The following ZBTB17 variants were observed in gnomAD, a reference collection of about 807,000 sequenced individuals.
ZBTB17 encodes zinc finger and BTB domain-containing protein 17.
ZBTB17 carries 24 observed loss-of-function variants against 85.1 expected under a neutral mutation model. That is an observed-to-expected ratio of 0.28 (90% CI 0.20 to 0.40). ZBTB17 has a LOEUF of 0.40. Ranked by LOEUF, ZBTB17 falls within the 10% of genes least tolerant of loss-of-function variation. The pLI, the probability that ZBTB17 is intolerant of heterozygous loss-of-function variation, is 1.00. For synonymous variants in ZBTB17, 464 were observed against 460.2 expected (o/e 1.01, Z -0.11); for missense variants, 743 against 1,105.1 (o/e 0.67, Z 4.65).
rs1425119985 is a variant in ZBTB17, at chr1:15,943,211, A to G, written c.1698-17T>C. ...TGGACGAATCTGTGGGGCCACAGGA[A>G]GGGACTCGCATGGAACTGCCCCAAC... On this transcript the variant is annotated splice_polypyrimidine_tract_variant and intron_variant, in intron 12 of 15. Transcript: ENST00000375743. The G allele has an allele frequency of 1.2e-6, 2 of 1,614,112 alleles. No homozygotes were observed. Among genetic ancestry groups the G allele is most frequent in the South Asian group, 2.2e-5 (2 of 91,076 alleles).
Position 15,945,164 on chromosome 1 carries a change from G to C in ZBTB17, c.700C>G (p.Gln234Glu), listed in dbSNP as rs1371359065. The C allele has an allele frequency of 1.3e-6, 2 of 1,573,244 alleles. No homozygotes were observed. The highest frequency in any genetic ancestry group is 2.7e-5 in the African/African-American group (2 of 74,144). The change falls in exon 7 of 16, where the codon CAA (glutamine) becomes GAA (glutamate). Residue 234 changes from glutamine (Q) to glutamate (E), a missense_variant. Around this residue, in one of 4 missense-constraint regions of ZBTB17, gnomAD observed 279 missense variants for 269.9 expected, o/e 1.03. Transcript: ENST00000375743. ...TCCTCTTGCTCCTCTTGCTCCTTTTGCTCCTCTTCCCCTTTCCGGGCGGGC... is the reference window on the plus strand; with the variant it reads ...TCCTCTTGCTCCTCTTGCTCCTTTTCCTCCTCTTCCCCTTTCCGGGCGGGC... The part of the protein sequence containing the change: ...VEPARKGEEE[Q>E]KEQEEQEEEG...
At position 15,948,357 on chromosome 1, in the gene ZBTB17, C is replaced by T. The variant is rs753476579; in HGVS notation, c.139G>A (p.Glu47Lys). The change falls in exon 3 of 16, where the codon GAG becomes AAG. Residue 47 changes from glutamate (E) to lysine (K), a missense_variant. Coordinates refer to ENST00000375743, the MANE Select transcript of ZBTB17 (RefSeq NM_003443.3). ...TCCACGAAGAGCATCTTGAAGTACT[C>T]GCTGCAGGCCGCCAGCACTGCTTTA... ...AHKAVLAACSEYFKMLFVDQK... is the reference protein window; with the variant it reads ...AHKAVLAACSKYFKMLFVDQK... 3.1e-6 allele frequency: 5 copies of T among 1,614,036 alleles called. No individual in the cohort carries two copies. The highest frequency in any genetic ancestry group is 1.3e-5 in the African/African-American group (1 of 75,082).
chr1:15,965,713 G>A (rs1195888949), intron 2 of ZBTB17, among the ~76,000 whole-genome samples: 1 of 152,122 alleles, frequency 6.6e-6, no homozygotes, highest in Non-Finnish European at 1.5e-5. Context: ...TCATACAATG[G>A]AACATTATTC....
intron 2 of ZBTB17, among the ~76,000 whole-genome samples, chr1:15,961,856 G>A (rs895167681): frequency 6.6e-6 from 1 of 152,200 alleles, no homozygotes; most frequent in Non-Finnish European, 1.5e-5. Context: ...ATGGGGTGAC[G>A]ACATGGGGTG....
At chr1:15,947,443 C>T (rs1032332444) in intron 3 of ZBTB17, among the ~76,000 whole-genome samples, 5 of 151,564 alleles carry the variant, frequency 3.3e-5, no homozygotes, top group African/African-American at 7.3e-5. Context: ...TGCAACTGTC[C>T]GCCCTGCATG....
At chr1:15,970,924 C>G (rs1373014566) in intron 2 of ZBTB17, among the ~76,000 whole-genome samples, 11 of 152,306 alleles carry the variant, frequency 7.2e-5, no homozygotes, top group Admixed American at 1.3e-4. Flanking sequence ...CAGGTCTGCA[C>G]TGTGATAGCA....
Position 15,942,713 on chromosome 1 carries a change from C to CT in ZBTB17, c.1853dup (p.Cys619ValfsTer35). 6.2e-7 allele frequency: 1 copy of CT among 1,613,610 alleles called. No homozygotes were observed. Among genetic ancestry groups the CT allele is most frequent in the Non-Finnish European group, 8.5e-7 (1 of 1,180,044 alleles). ...CTACCCGGTTGAAGCCACGCCCACACTTATCACACAGGTAAGGCTTCTCTC... is the reference window on the plus strand; with the variant it reads ...CTACCCGGTTGAAGCCACGCCCACACTTTATCACACAGGTAAGGCTTCTCTC... On this transcript the variant is annotated frameshift_variant, in exon 14 of 16. Transcript: ENST00000375743. LOFTEE classifies it high-confidence loss of function.
In ZBTB17 at chr1:15,964,208, T is replaced by G. The variant is rs938103733; in HGVS notation, c.-3+8831A>C. ...GAGAAAGTGATAGCAATTAAAGTGT[T>G]CTCAGGTCCTCACTGTTTGAGAGTA... On this transcript the variant is annotated intron_variant, in intron 2 of 15. Transcript: ENST00000375743. The surrounding 1 kb of genome is among the most constrained non-coding windows in gnomAD (Gnocchi z 4.3). Among the ~76,000 whole-genome samples, 3 of 152,176 alleles carry G rather than the reference T, an allele frequency of 2.0e-5. No individual in the cohort carries two copies. Among genetic ancestry groups the G allele is most frequent in the Non-Finnish European group, 4.4e-5 (3 of 68,038 alleles).
At chr1:15,959,315 A>AG (rs2072163176) in intron 2 of ZBTB17, among the ~76,000 whole-genome samples, 1 of 152,198 alleles carries the variant, frequency 6.6e-6, no homozygotes, top group Non-Finnish European at 1.5e-5. Flanking sequence ...ACATTTCTGT[A>AG]GGGTATACAC....
At chr1:15,967,023 G>GT (rs887336305) in intron 2 of ZBTB17, among the ~76,000 whole-genome samples, 2 of 151,958 alleles carry the variant, frequency 1.3e-5, no homozygotes, top group African/African-American at 4.8e-5. Context: ...TGTATTTGGA[G>GT]TTTTTTGTTT....
rs537348960 is a variant in ZBTB17, at chr1:15,945,000, G to A, written c.864C>T (p.Arg288=). ...QELGSEARGL[R]SGTYGDRTES... is the part of the protein sequence containing the mutation. Reference sequence around the variant, plus strand: ...CCGTGCGGTCGCCGTAGGTGCCTGAGCGCAGGCCCCGGGCCTCGGAGCCGA... The same window carrying A: ...CCGTGCGGTCGCCGTAGGTGCCTGAACGCAGGCCCCGGGCCTCGGAGCCGA... The change falls in exon 7 of 16, where the codon CGC becomes CGT. Residue 288 remains arginine, a synonymous_variant. Coordinates refer to ENST00000375743, the MANE Select transcript of ZBTB17 (RefSeq NM_003443.3). The A allele has an allele frequency of 6.3e-7, 1 of 1,592,938 alleles. No homozygotes were observed. Among genetic ancestry groups the A allele is most frequent in the Admixed American group, 1.7e-5 (1 of 57,646 alleles).
At chr1:15,946,612 C>T (rs936856284) in intron 4 of ZBTB17, among the ~76,000 whole-genome samples, 1 of 152,230 alleles carries the variant, frequency 6.6e-6, no homozygotes, top group Non-Finnish European at 1.5e-5. Context: ...TACAGCAAGG[C>T]ACCTGGCCCA....
In ZBTB17 at chr1:15,941,887, T is replaced by A; in HGVS notation, c.*82A>T. On this transcript the variant is annotated 3_prime_UTR_variant, in exon 16 of 16. Coordinates refer to ENST00000375743, the MANE Select transcript of ZBTB17 (RefSeq NM_003443.3). ...GGCAGCATTAGAAAATAATCCAATT[T>A]ATTCTCTCTAGGGAACAGGCCACCC... 1 of 1,497,040 alleles carries A rather than the reference T, an allele frequency of 6.7e-7. No individual in the cohort carries two copies. The highest frequency in any genetic ancestry group is 2.3e-5 in the East Asian group (1 of 43,938). 92.7% of individuals were successfully genotyped at this position (1,497,040 alleles called of 1,614,324 possible).
rs981096226 is a variant in ZBTB17, at chr1:15,964,459, T to C, written c.-3+8580A>G. ...GGGGCCAGGCAAGATGGCTCACGCC[T>C]GTAATCCCAACACGTTGGGAGGCTG... On this transcript the variant is annotated intron_variant, in intron 2 of 15. Transcript: ENST00000375743. This position sits in a 1 kb window ranked among gnomAD's most constrained non-coding sequence, Gnocchi z 4.3. 6.6e-6 allele frequency among the ~76,000 whole-genome samples: 1 copy of C among 152,256 alleles called. No individual in the cohort carries two copies. The highest frequency in any genetic ancestry group is 2.4e-5 in the African/African-American group (1 of 41,458).
In ZBTB17 at chr1:15,964,955, T is replaced by TA. The variant is rs891798660; in HGVS notation, c.-3+8083dup. Among the ~76,000 whole-genome samples the TA allele has an allele frequency of 2.9e-3, 432 of 149,218 alleles. 6 individuals carry two copies. Among genetic ancestry groups the TA allele is most frequent in the African/African-American group, 0.01 (414 of 40,584 alleles). On this transcript the variant is annotated intron_variant, in intron 2 of 15. Coordinates refer to ENST00000375743, the MANE Select transcript of ZBTB17 (RefSeq NM_003443.3). The surrounding 1 kb of genome is among the most constrained non-coding windows in gnomAD (Gnocchi z 4.3). Reference sequence around the variant, plus strand: ...ATGCTGAAACCCCGTCTACTAAAAATAAAAAAAAATTAGCCAGGCGTGGTG... The same window carrying TA: ...ATGCTGAAACCCCGTCTACTAAAAATAAAAAAAAAATTAGCCAGGCGTGGTG...
chr1:15,965,377 C>G (rs899017524), intron 2 of ZBTB17, among the ~76,000 whole-genome samples: 1 of 152,062 alleles, frequency 6.6e-6, no homozygotes, highest in Non-Finnish European at 1.5e-5. Flanking sequence ...AACTCAGAAC[C>G]AGGAAAATGC....
At chr1:15,947,240 C>T (rs1037358600) in intron 3 of ZBTB17, 117 bp from the exon 4 acceptor site, 106 of 1,054,418 alleles carry the variant, frequency 1.0e-4, no homozygotes, top group Non-Finnish European at 1.3e-4. Context: ...AGTGGCAAGC[C>T]TGCATCGCCC....
In ZBTB17 at chr1:15,942,752, G is replaced by A. The variant is rs199703050; in HGVS notation, c.1829-14C>T. The A allele has an allele frequency of 1.5e-4, 234 of 1,612,396 alleles. 6 individuals are homozygous for A. In the South Asian group the frequency reaches 2.2e-3, roughly 15 times the overall value. On this transcript the variant is annotated splice_polypyrimidine_tract_variant and intron_variant, in intron 13 of 15. Transcript: ENST00000375743. ...AAGGCTTCTCTCCTGGGGGAGCAAG[G>A]TTCTCTCTTGCCTTTGTGGGAAGGG...
chr1:15,950,454 G>A (rs759133430), intron 2 of ZBTB17, among the ~76,000 whole-genome samples: 25 of 152,234 alleles, frequency 1.6e-4, no homozygotes, highest in Non-Finnish European at 1.6e-4. Flanking sequence ...AAAAGGTCAC[G>A]TGAGCACACA....
Sources: gnomAD v4.1 joint callset for allele counts (sites outside exome capture counted in the v4.1 genomes callset) on GRCh38, gnomAD v4.1.1 for gene constraint, gnomAD v4.1.1 regional missense constraint, Gnocchi (gnomAD v3.1) non-coding constraint, MANE v1.5 for transcripts, NCBI Gene and HGNC (gene_info 2026-07-23, HGNC 2026-07-21) for gene names.